The following RAB3C variants were observed in gnomAD, a reference collection of about 807,000 sequenced individuals.
RAB3C encodes ras-related protein Rab-3C.
A neutral mutation model predicts 26.4 loss-of-function variants in RAB3C; 17 were observed. The observed-to-expected ratio is 0.64, with a 90% CI of 0.44 to 0.97. The LOEUF (loss-of-function observed/expected upper bound fraction) is 0.97. RAB3C is among the 50% of genes least tolerant of loss of function. RAB3C has a pLI of 0.00. For synonymous variants in RAB3C, 91 were observed against 95.9 expected (o/e 0.95, Z 0.30); for missense variants, 242 against 281.9 (o/e 0.86, Z 1.01).
chr5:58,612,548 G>GTATATATATATGTA (rs1746736478), intron 1 of RAB3C, among the ~76,000 whole-genome samples: 14 of 80,360 alleles, frequency 1.7e-4, no homozygotes, highest in Middle Eastern at 0.011. Context: ...ATATATATAT[G>GTATATATATATGTA]TATATATATA....
At position 58,769,098 on chromosome 5, in the gene RAB3C, C is replaced by A. The variant is rs374877969; in HGVS notation, c.371+42978C>A. Reference sequence around the variant, plus strand: ...GATGACAGGGGAGACCAAGAAGAACCGAGGATGGCCGTTAGTTTTGGGCCC... The same window carrying A: ...GATGACAGGGGAGACCAAGAAGAACAGAGGATGGCCGTTAGTTTTGGGCCC... On this transcript the variant is annotated intron_variant, in intron 3 of 4. Transcript: ENST00000282878. Among the ~76,000 whole-genome samples the A allele has an allele frequency of 5.9e-5, 9 of 151,544 alleles. No homozygotes were observed. The South Asian group carries it at 1.0e-3, about 18-fold the overall frequency.
At chr5:58,795,689 A>G (rs1210708336) in intron 3 of RAB3C, among the ~76,000 whole-genome samples, 3 of 152,134 alleles carry the variant, frequency 2.0e-5, no homozygotes, top group Non-Finnish European at 4.4e-5. Flanking sequence ...CTCCCAACCC[A>G]TAGGCCTTCC....
intron 2 of RAB3C, among the ~76,000 whole-genome samples, chr5:58,688,236 G>T (rs1280383833): frequency 1.3e-5 from 2 of 152,020 alleles, no homozygotes; most frequent in Non-Finnish European, 2.9e-5. Flanking sequence ...CATAGGAGAT[G>T]CTCCTCATAG....
chr5:58,790,896 G>A (rs769280237), intron 3 of RAB3C, among the ~76,000 whole-genome samples: 7 of 152,030 alleles, frequency 4.6e-5, no homozygotes, highest in African/African-American at 9.7e-5. Context: ...CAGAAGGCCC[G>A]TGGTGACAAC....
At chr5:58,684,900 C>A (rs1748413296) in intron 2 of RAB3C, among the ~76,000 whole-genome samples, 1 of 152,138 alleles carries the variant, frequency 6.6e-6, no homozygotes, top group Non-Finnish European at 1.5e-5. Flanking sequence ...GTTTTAGAGG[C>A]CCAGTTCTGC....
At chr5:58,693,346 A>G (rs188197490) in intron 2 of RAB3C, among the ~76,000 whole-genome samples, 17,412 of 141,002 alleles carry the variant, frequency 0.12, 1,516 homozygotes, top group Non-Finnish European at 0.17. Flanking sequence ...GTATATATAT[A>G]TATATATATA....
At chr5:58,743,591 G>A (rs1157524372) in intron 3 of RAB3C, among the ~76,000 whole-genome samples, 2 of 152,036 alleles carry the variant, frequency 1.3e-5, no homozygotes, top group Non-Finnish European at 2.9e-5. Context: ...AGGCCCCAGT[G>A]TGTGATGTTC....
chr5:58,671,230 T>A (rs1252496920), intron 2 of RAB3C, among the ~76,000 whole-genome samples: 3 of 152,076 alleles, frequency 2.0e-5, no homozygotes, highest in African/African-American at 4.8e-5. Flanking sequence ...GCTATGTTTT[T>A]AAAAAAATTC....
Position 58,596,862 on chromosome 5 carries a change from ATAT to A in RAB3C, c.24+13634_24+13636del, listed in dbSNP as rs1419234271. Among the ~76,000 whole-genome samples, 61 of 56,366 alleles carry A rather than the reference ATAT, an allele frequency of 1.1e-3. 1 individual carries two copies. Among genetic ancestry groups the A allele is most frequent in the South Asian group, 3.6e-3 (4 of 1,120 alleles). The allele number at this position is 56,366 out of a possible 152,430, so 37.0% of individuals were successfully genotyped here. ...TATAATATATAATACATAATATATAATATTATATTTAATATATAATACATAATA... is the reference window on the plus strand; with the variant it reads ...TATAATATATAATACATAATATATAATATATTTAATATATAATACATAATA... On this transcript the variant is annotated intron_variant, in intron 1 of 4. Coordinates refer to ENST00000282878, the MANE Select transcript of RAB3C (RefSeq NM_138453.4).
intron 2 of RAB3C, among the ~76,000 whole-genome samples, chr5:58,679,070 A>G (rs1408099258): frequency 6.6e-6 from 1 of 152,208 alleles, no homozygotes; most frequent in Non-Finnish European, 1.5e-5. Context: ...AAGCCAGAAC[A>G]GAGACACAGT....
At chr5:58,762,518 C>A (rs1741817655) in intron 3 of RAB3C, among the ~76,000 whole-genome samples, 1 of 152,040 alleles carries the variant, frequency 6.6e-6, no homozygotes, top group South Asian at 2.1e-4. Context: ...CATGGAGAAA[C>A]CCCATCTCTA....
intron 3 of RAB3C, among the ~76,000 whole-genome samples, chr5:58,730,307 A>C (rs1163708894): frequency 6.6e-6 from 1 of 152,034 alleles, no homozygotes; most frequent in Non-Finnish European, 1.5e-5. Context: ...ATCTTAAGAA[A>C]TGTTTAAGGA....
chr5:58,619,861 C>A (rs1746897512), intron 2 of RAB3C, among the ~76,000 whole-genome samples: 1 of 141,310 alleles, frequency 7.1e-6, no homozygotes. Flanking sequence ...CTAATTCACT[C>A]ACCTTTTTTT....
chr5:58,689,228 T>C (rs1188402306), intron 2 of RAB3C: 2 of 152,122 alleles, frequency 1.3e-5, no homozygotes, highest in Non-Finnish European at 2.9e-5. Flanking sequence ...TACTACCTCT[T>C]ATGCGAAGAT....
chr5:58,751,151 G>C (rs1741514920), intron 3 of RAB3C, among the ~76,000 whole-genome samples: 1 of 152,164 alleles, frequency 6.6e-6, no homozygotes, highest in South Asian at 2.1e-4. Flanking sequence ...ACCGTGCCCG[G>C]ACCCGTCATA....
At position 58,782,175 on chromosome 5, in the gene RAB3C, C is replaced by T. The variant is rs983184538; in HGVS notation, c.372-42863C>T. ...AAAGAATGAATGAATGAATGGGAAG[C>T]GGAATACATTGGCACTTGTCTACTG... On this transcript the variant is annotated intron_variant, in intron 3 of 4. Coordinates refer to ENST00000282878, the MANE Select transcript of RAB3C (RefSeq NM_138453.4). 1.7e-4 allele frequency among the ~76,000 whole-genome samples: 26 copies of T among 152,184 alleles called. No individual in the cohort carries two copies. The East Asian group carries it at 3.9e-3, about 23-fold the overall frequency.
Position 58,858,061 on chromosome 5 carries a change from T to C in RAB3C, c.*6710T>C, listed in dbSNP as rs1016320789. On this transcript the variant is annotated 3_prime_UTR_variant, in exon 5 of 5. Coordinates refer to ENST00000282878, the MANE Select transcript of RAB3C (RefSeq NM_138453.4). The stretch of plus-strand genomic sequence containing the variant: ...ACAAGTTATGACTTATTCACTAAAA[T>C]TGATGCAAGACAGTTGGTTCTAGAT... 1 of 152,192 alleles carries C rather than the reference T, an allele frequency of 6.6e-6. No homozygotes were observed. The highest frequency in any genetic ancestry group is 2.4e-5 in the African/African-American group (1 of 41,456). The allele number at this position is 152,192 out of a possible 1,614,324, so 9.4% of individuals were successfully genotyped here. A position where few individuals can be genotyped will look rare whatever the true frequency, so the allele number is the denominator to read the frequency against.
chr5:58,588,419 A>G (rs1360857732), intron 1 of RAB3C, among the ~76,000 whole-genome samples: 1 of 152,138 alleles, frequency 6.6e-6, no homozygotes, highest in Non-Finnish European at 1.5e-5. Flanking sequence ...GTTTTCTGGT[A>G]TCTGATTATG....
chr5:58,622,220 C>T (rs527371207), intron 2 of RAB3C, among the ~76,000 whole-genome samples: 4 of 151,780 alleles, frequency 2.6e-5, no homozygotes, highest in African/African-American at 7.3e-5. Flanking sequence ...AGTCCTGGAG[C>T]GATTAGGGCA....
Sources: gnomAD v4.1 joint callset for allele counts (sites outside exome capture counted in the v4.1 genomes callset) on GRCh38, gnomAD v4.1.1 for gene constraint, MANE v1.5 for transcripts, NCBI Gene and HGNC (gene_info 2026-07-23, HGNC 2026-07-21) for gene names.